The following TES variants were observed in gnomAD, a reference collection of about 807,000 sequenced individuals.
The protein encoded by TES is testin LIM domain protein, also known as testin.
TES carries 41 observed loss-of-function variants against 48.2 expected under a neutral mutation model. That is an observed-to-expected ratio of 0.85 (90% CI 0.66 to 1.10). TES has a LOEUF of 1.10. Ranked by LOEUF, TES falls within the 50% of genes least tolerant of loss-of-function variation. TES has a pLI of 0.00. For synonymous variants in TES, 162 were observed against 174.9 expected (o/e 0.93, Z 0.58); for missense variants, 463 against 515.1 (o/e 0.90, Z 0.98).
chr7:116,237,425 C>T (rs1486741887), intron 2 of TES, among the ~76,000 whole-genome samples: 1 of 152,140 alleles, frequency 6.6e-6, no homozygotes, highest in Non-Finnish European at 1.5e-5. Context: ...ATTTCTTGGC[C>T]TTTGACATTA....
chr7:116,225,033 A>G (rs1318813486), intron 1 of TES, among the ~76,000 whole-genome samples: 1 of 151,874 alleles, frequency 6.6e-6, no homozygotes, highest in African/African-American at 2.4e-5. Context: ...TACTTTTCCA[A>G]TAGGTTGTTG....
At chr7:116,222,209 A>G (rs919855893) in intron 1 of TES, among the ~76,000 whole-genome samples, 2 of 152,130 alleles carry the variant, frequency 1.3e-5, no homozygotes, top group South Asian at 2.1e-4. Flanking sequence ...TCTCCTTGCT[A>G]TAAGACTTTG....
At chr7:116,255,640 T>TA (rs1166650434) in intron 6 of TES, among the ~76,000 whole-genome samples, 5 of 152,152 alleles carry the variant, frequency 3.3e-5, no homozygotes, top group South Asian at 2.1e-4. Flanking sequence ...TGGGTAATTT[T>TA]AAAAAATCAC....
intron 1 of TES, among the ~76,000 whole-genome samples, chr7:116,232,940 C>T (rs1799720313): frequency 6.6e-6 from 1 of 152,080 alleles, no homozygotes; most frequent in Non-Finnish European, 1.5e-5. Context: ...TGAATATGGC[C>T]TTAATTATGG....
intron 1 of TES, among the ~76,000 whole-genome samples, chr7:116,211,938 A>G (rs1426266071): frequency 6.6e-6 from 1 of 152,244 alleles, no homozygotes; most frequent in Non-Finnish European, 1.5e-5. Flanking sequence ...GCACTCAAAA[A>G]GGTATCCAAG....
intron 1 of TES, among the ~76,000 whole-genome samples, chr7:116,233,229 G>A (rs949232575): frequency 2.0e-5 from 3 of 152,320 alleles, no homozygotes; most frequent in Non-Finnish European, 2.9e-5. Context: ...GTTTGCCACT[G>A]TACTGATGTA....
intron 2 of TES, among the ~76,000 whole-genome samples, chr7:116,239,684 G>A (rs1799817832): frequency 6.6e-6 from 1 of 152,212 alleles, no homozygotes; most frequent in Non-Finnish European, 1.5e-5. Context: ...GTGGACAAAG[G>A]TGTACTTTTA....
chr7:116,227,504 G>T (rs1369943147), intron 1 of TES, among the ~76,000 whole-genome samples: 1 of 152,104 alleles, frequency 6.6e-6, no homozygotes, highest in Non-Finnish European at 1.5e-5. Context: ...TTTAAATCTT[G>T]TGTCAGATCT....
At position 116,251,983 on chromosome 7, in the gene TES, C is replaced by A; in HGVS notation, c.918+8C>A. The A allele has an allele frequency of 6.2e-7, 1 of 1,613,566 alleles. No individual in the cohort carries two copies. Among genetic ancestry groups the A allele is most frequent in the Non-Finnish European group, 8.5e-7 (1 of 1,179,560 alleles). On this transcript the variant is annotated splice_region_variant and intron_variant, in intron 5 of 6. Coordinates refer to ENST00000358204, the MANE Select transcript of TES (RefSeq NM_015641.4). ...TGTGCTGGCTGTGACGAGGTATGTT[C>A]TATGGGACCACCGGCATGCTGGTGC...
chr7:116,252,937 A>G (rs1484966916), intron 6 of TES, among the ~76,000 whole-genome samples: 2 of 152,202 alleles, frequency 1.3e-5, no homozygotes, highest in African/African-American at 2.4e-5. Flanking sequence ...CCCTCATTGA[A>G]TTGATTTAGC....
At chr7:116,220,440 A>G (rs191435832) in intron 1 of TES, among the ~76,000 whole-genome samples, 2 of 152,196 alleles carry the variant, frequency 1.3e-5, no homozygotes, top group Non-Finnish European at 2.9e-5. Flanking sequence ...TTTTCCAGAC[A>G]TAGATTTGGA....
chr7:116,217,572 G>A (rs1227528284), intron 1 of TES, among the ~76,000 whole-genome samples: 2 of 152,082 alleles, frequency 1.3e-5, no homozygotes, highest in African/African-American at 2.4e-5. Flanking sequence ...GGTATCCAGA[G>A]AAATTATATT....
Position 116,210,619 on chromosome 7 carries a change from T to C in TES, c.-89T>C. On this transcript the variant is annotated 5_prime_UTR_variant, in exon 1 of 7. Transcript: ENST00000358204. ...CGGCGCCGCGGGAGTTCCGCAGGTT[T>C]CCCGTGTTCGCAGCGGAGCCGGAGG... 8.0e-7 allele frequency: 1 copy of C among 1,252,656 alleles called. No individual in the cohort carries two copies. The highest frequency in any genetic ancestry group is 1.0e-6 in the Non-Finnish European group (1 of 979,748). The allele number at this position is 1,252,656 out of a possible 1,614,324, so 77.6% of individuals were successfully genotyped here.
At chr7:116,219,928 A>G (rs1315407747) in intron 1 of TES, among the ~76,000 whole-genome samples, 5 of 152,082 alleles carry the variant, frequency 3.3e-5, no homozygotes, top group African/African-American at 1.2e-4. Context: ...CTTACTTGAT[A>G]TTTAGGGTTT....
intron 2 of TES, among the ~76,000 whole-genome samples, chr7:116,240,017 G>A (rs1224876285): frequency 2.0e-5 from 3 of 152,080 alleles, no homozygotes; most frequent in Admixed American, 6.5e-5. Context: ...TTAAAAATGC[G>A]TTACTTGATT....
chr7:116,254,340 C>G (rs1800062597), intron 6 of TES, among the ~76,000 whole-genome samples: 1 of 151,828 alleles, frequency 6.6e-6, no homozygotes, highest in South Asian at 2.1e-4. Flanking sequence ...TTAGCTGTTA[C>G]AAGCTTCTCT....
intron 2 of TES, among the ~76,000 whole-genome samples, chr7:116,237,445 A>G (rs1799785718): frequency 1.3e-5 from 2 of 151,986 alleles, no homozygotes; most frequent in Non-Finnish European, 2.9e-5. Context: ...AAACCCTAAC[A>G]TCTGGCCTCT....
Position 116,257,714 on chromosome 7 carries a change from T to C in TES, c.*232T>C, listed in dbSNP as rs1023422109. The stretch of plus-strand genomic sequence containing the variant: ...AACAGTAAATAATTGTATCTTTCCA[T>C]AGCTTTTCAAATGTGAAATCATTTT... On this transcript the variant is annotated 3_prime_UTR_variant, in exon 7 of 7. Coordinates refer to ENST00000358204, the MANE Select transcript of TES (RefSeq NM_015641.4). 8.6e-6 allele frequency: 3 copies of C among 348,946 alleles called. No individual in the cohort carries two copies. Among genetic ancestry groups the C allele is most frequent in the Non-Finnish European group, 1.0e-5 (2 of 195,568 alleles). The allele number at this position is 348,946 out of a possible 1,614,324, so 21.6% of individuals were successfully genotyped here. A position where few individuals can be genotyped will look rare whatever the true frequency, so the allele number is the denominator to read the frequency against.
chr7:116,257,042 T>C (rs2402057), intron 6 of TES, among the ~76,000 whole-genome samples: 49,615 of 152,056 alleles, frequency 0.33, 8,442 homozygotes, highest in East Asian at 0.58. Flanking sequence ...CTGCCTTGAA[T>C]GCCATGAAGT....
Sources: gnomAD v4.1 joint callset for allele counts (sites outside exome capture counted in the v4.1 genomes callset) on GRCh38, gnomAD v4.1.1 for gene constraint, MANE v1.5 for transcripts, NCBI Gene and HGNC (gene_info 2026-07-23, HGNC 2026-07-21) for gene names.